Variants in IFT56 observed in about 807,000 individuals in gnomAD.
The protein encoded by IFT56 is intraflagellar transport protein 56.
chr7:139,136,430 T>C, the IFT56 span, among the ~76,000 whole-genome samples: 23 of 152,134 alleles, frequency 1.5e-4, no homozygotes, highest in Non-Finnish European at 2.8e-4. Context: ...TTTTCCTTGT[T>C]GCATAACACC....
At chr7:139,144,005 G>A in the IFT56 span, among the ~76,000 whole-genome samples, 1 of 152,032 alleles carries the variant, frequency 6.6e-6, no homozygotes, top group Non-Finnish European at 1.5e-5. Flanking sequence ...AATATTTTAA[G>A]TGTCTATATG....
the IFT56 span, chr7:139,133,827 T>A: frequency 3.7e-5 from 60 of 1,614,046 alleles, 1 homozygote; most frequent in South Asian, 5.9e-4. Context: ...GCCTTCGCTG[T>A]GTGGTGGGGA....
At chr7:139,142,347 T>A in the IFT56 span, 1 of 1,547,798 alleles carries the variant, frequency 6.5e-7, no homozygotes, top group Non-Finnish European at 8.9e-7. Flanking sequence ...TTTAAAAATA[T>A]TTTTATTTTT....
chr7:139,155,954 C>T, the IFT56 span, among the ~76,000 whole-genome samples: 2 of 152,070 alleles, frequency 1.3e-5, no homozygotes, highest in African/African-American at 4.8e-5. Flanking sequence ...TTAGGGATTG[C>T]ATTGACTCTA....
the IFT56 span, among the ~76,000 whole-genome samples, chr7:139,176,622 G>T: frequency 4.1e-4 from 63 of 152,324 alleles, no homozygotes; most frequent in Admixed American, 3.7e-3. Context: ...AACCAATATG[G>T]TGCTGCCTGT....
the IFT56 span, among the ~76,000 whole-genome samples, chr7:139,180,523 A>G: frequency 6.6e-6 from 1 of 152,150 alleles, no homozygotes; most frequent in South Asian, 2.1e-4. Context: ...CAGCCTGGCC[A>G]ACATGGCAAA....
chr7:139,163,078 C>T, the IFT56 span, among the ~76,000 whole-genome samples: 36 of 151,978 alleles, frequency 2.4e-4, no homozygotes, highest in African/African-American at 8.4e-4. Context: ...GGTGCGGTGA[C>T]TCATGCCTGT....
chr7:139,161,349 T>A, the IFT56 span: 1 of 236,542 alleles, frequency 4.2e-6, no homozygotes, highest in Non-Finnish European at 8.1e-6. Flanking sequence ...CTTTGAAGGA[T>A]GGCTGAGATT....
the IFT56 span, chr7:139,147,134 C>T: frequency 1.2e-6 from 2 of 1,611,298 alleles, no homozygotes; most frequent in Non-Finnish European, 1.7e-6. Flanking sequence ...TTTCCACTCT[C>T]ACAATTTTAG....
At chr7:139,143,094 G>T in the IFT56 span, among the ~76,000 whole-genome samples, 49 of 151,904 alleles carry the variant, frequency 3.2e-4, 1 homozygote, top group Admixed American at 2.5e-3. Context: ...GTGTTTCTTA[G>T]TTATTTGACT....
the IFT56 span, among the ~76,000 whole-genome samples, chr7:139,135,339 T>G: frequency 6.6e-6 from 1 of 151,474 alleles, no homozygotes; most frequent in Admixed American, 6.6e-5. Flanking sequence ...TTTGAGTATG[T>G]CTAGTTCACC....
chr7:139,139,655 A>G, the IFT56 span, among the ~76,000 whole-genome samples: 1 of 152,188 alleles, frequency 6.6e-6, no homozygotes, highest in Non-Finnish European at 1.5e-5. Context: ...TATCAGTATT[A>G]ACTGGGGGAC....
the IFT56 span, among the ~76,000 whole-genome samples, chr7:139,142,961 T>A: frequency 1.3e-5 from 2 of 152,174 alleles, no homozygotes; most frequent in Non-Finnish European, 2.9e-5. Context: ...ATAATTTTGA[T>A]AATGATAAAA....
At chr7:139,159,056 A>T in the IFT56 span, among the ~76,000 whole-genome samples, 1 of 152,190 alleles carries the variant, frequency 6.6e-6, no homozygotes, top group African/African-American at 2.4e-5. Context: ...ACTGTTTTAT[A>T]ATTTGCTTTT....
At chr7:139,150,484 A>C in the IFT56 span, among the ~76,000 whole-genome samples, 95 of 152,324 alleles carry the variant, frequency 6.2e-4, no homozygotes, top group African/African-American at 2.2e-3. Context: ...AAGTTAGGAC[A>C]TCAGAGTGTA....
At chr7:139,171,596 G>A in the IFT56 span, among the ~76,000 whole-genome samples, 1 of 152,096 alleles carries the variant, frequency 6.6e-6, no homozygotes, top group Admixed American at 6.5e-5. Context: ...AGAAAGGACA[G>A]TCTCTTCAAT....
the IFT56 span, among the ~76,000 whole-genome samples, chr7:139,143,319 C>A: frequency 6.6e-6 from 1 of 152,040 alleles, no homozygotes; most frequent in East Asian, 1.9e-4. Context: ...GTCTCTTTCT[C>A]TTTTTAGTTC....
chr7:139,158,279 A>T, the IFT56 span, among the ~76,000 whole-genome samples: 1 of 145,282 alleles, frequency 6.9e-6, no homozygotes, highest in Non-Finnish European at 1.5e-5. Flanking sequence ...GCGCCACTGC[A>T]CTCCAGCCTG....
chr7:139,144,631 T>A, the IFT56 span, among the ~76,000 whole-genome samples: 2 of 152,106 alleles, frequency 1.3e-5, no homozygotes, highest in Non-Finnish European at 2.9e-5. Context: ...ACCTTTTGTT[T>A]GTATCGCATG....
Sources: gnomAD v4.1 joint callset for allele counts (sites outside exome capture counted in the v4.1 genomes callset) on GRCh38, gnomAD v4.1.1 for gene constraint, MANE v1.5 for transcripts, NCBI Gene and HGNC (gene_info 2026-07-23, HGNC 2026-07-21) for gene names.